Variants in FBXO40 observed in about 807,000 individuals in gnomAD.
FBXO40 encodes the protein F-box only protein 40.
In FBXO40, 50 loss-of-function variants were observed where a neutral mutation model predicts 49.9. The observed-to-expected ratio is 1.00, with a 90% CI of 0.80 to 1.27. The LOEUF (loss-of-function observed/expected upper bound fraction) is 1.27, where lower values mean the gene tolerates loss of function less well. Ranked by LOEUF, FBXO40 falls within the 50% of genes most tolerant of loss-of-function variation. FBXO40 has a pLI of 0.00. For missense variants in FBXO40, 895 were observed against 870.1 expected (o/e 1.03, Z -0.36); for synonymous variants, 340 against 320.2 (o/e 1.06, Z -0.66).
intron 1 of FBXO40, among the ~76,000 whole-genome samples, chr3:121,602,918 C>A (rs1276306240): frequency 6.6e-6 from 1 of 152,156 alleles, no homozygotes; most frequent in African/African-American, 2.4e-5. Flanking sequence ...CCATCACAGT[C>A]CATTTTTGTC....
intron 1 of FBXO40, among the ~76,000 whole-genome samples, chr3:121,618,027 G>A (rs565497564): frequency 1.3e-5 from 2 of 152,114 alleles, no homozygotes; most frequent in East Asian, 3.9e-4. Flanking sequence ...GAATTATAAT[G>A]TTCCCAACAT....
chr3:121,622,408 T>G lies in FBXO40; in HGVS notation c.979T>G (p.Cys327Gly). Reference sequence around the variant, plus strand: ...GATACACTTTGGTCAGATGCCTGCTTGTACACCCAAGGAGAGAGACTTTGT... The same window carrying G: ...GATACACTTTGGTCAGATGCCTGCTGGTACACCCAAGGAGAGAGACTTTGT... ...MLIHFGQMPACTPKERDFVYG... is the reference protein window; with the variant it reads ...MLIHFGQMPAGTPKERDFVYG... Residue 327 changes from cysteine to glycine, a missense_variant, in exon 3 of 4, where the codon TGT becomes GGT. By Grantham distance (159) the Cys-to-Gly change is radical. Coordinates refer to ENST00000338040, the MANE Select transcript of FBXO40 (RefSeq NM_016298.4). The G allele has an allele frequency of 6.2e-7, 1 of 1,614,196 alleles. No individual in the cohort carries two copies. The highest frequency in any genetic ancestry group is 1.1e-5 in the South Asian group (1 of 91,070).
In FBXO40 at chr3:121,622,115, C is replaced by T. The variant is rs901626100; in HGVS notation, c.686C>T (p.Ser229Phe). The change falls in exon 3 of 4, where the codon TCT becomes TTT. Residue 229 changes from serine (S) to phenylalanine (F), a missense_variant. Transcript: ENST00000338040. ...ATTTTCAGCAAAGAGCACGCAGCCTCTGCTTTAACAAATTCATCAGCGAGC... is the reference window on the plus strand; with the variant it reads ...ATTTTCAGCAAAGAGCACGCAGCCTTTGCTTTAACAAATTCATCAGCGAGC... ...ENIFSKEHAASALTNSSASCE... is the reference protein window; with the variant it reads ...ENIFSKEHAAFALTNSSASCE... The T allele has an allele frequency of 6.2e-7, 1 of 1,614,216 alleles. No individual in the cohort carries two copies. Among genetic ancestry groups the T allele is most frequent in the African/African-American group, 1.3e-5 (1 of 75,068 alleles).
intron 1 of FBXO40, among the ~76,000 whole-genome samples, chr3:121,614,944 G>A (rs1318174988): frequency 6.6e-6 from 1 of 152,198 alleles, no homozygotes; most frequent in Non-Finnish European, 1.5e-5. Flanking sequence ...CATTTGCCAG[G>A]TGCGGAGGCT....
rs79455541 is a variant in FBXO40 at position 121,622,628 on chromosome 3, T to C, written c.1199T>C (p.Leu400Pro). The C allele has an allele frequency of 1.2e-6, 2 of 1,614,188 alleles. No individual in the cohort carries two copies. The highest frequency in any genetic ancestry group is 2.2e-5 in the East Asian group (1 of 44,880). ...LPKSDLIKTT[L>P]QCALERELKG... ...AAATCAGATCTCATCAAGACCACCC[T>C]CCAGTGTGCTTTGGAAAGAGAACTC... Residue 400 changes from leucine (L) to proline (P), a missense_variant, in exon 3 of 4, where the codon CTC becomes CCC. By Grantham distance (98) the Leu-to-Pro change is moderately conservative. Coordinates refer to ENST00000338040, the MANE Select transcript of FBXO40 (RefSeq NM_016298.4).
At chr3:121,618,931 TA>T (rs1316064571) in intron 1 of FBXO40, among the ~76,000 whole-genome samples, 9 of 151,622 alleles carry the variant, frequency 5.9e-5, no homozygotes, top group Admixed American at 1.3e-4. Context: ...TTTTTTTTTT[TA>T]AGTTGGGGGA....
chr3:121,605,580 C>A (rs1198774375), intron 1 of FBXO40, among the ~76,000 whole-genome samples: 1 of 152,180 alleles, frequency 6.6e-6, no homozygotes, highest in East Asian at 1.9e-4. Flanking sequence ...CATAGAAAAC[C>A]ATCTCAAATC....
In FBXO40 at chr3:121,626,979, T is replaced by C; in HGVS notation, c.*69T>C. On this transcript the variant is annotated 3_prime_UTR_variant, in exon 4 of 4. Coordinates refer to ENST00000338040, the MANE Select transcript of FBXO40 (RefSeq NM_016298.4). ...GGAGTTCCTGAAGTAGGACAGAGTG[T>C]GTGGTTTTGAGGACTCCCTTCTGTA... 1 of 1,504,892 alleles carries C rather than the reference T, an allele frequency of 6.6e-7. No individual in the cohort carries two copies. Among genetic ancestry groups the C allele is most frequent in the Non-Finnish European group, 9.2e-7 (1 of 1,089,398 alleles). 93.2% of individuals were successfully genotyped at this position (1,504,892 alleles called of 1,614,324 possible). A position where few individuals can be genotyped will look rare whatever the true frequency, so the allele number is the denominator to read the frequency against.
At chr3:121,604,023 C>T (rs1001107476) in intron 1 of FBXO40, among the ~76,000 whole-genome samples, 2 of 152,182 alleles carry the variant, frequency 1.3e-5, no homozygotes, top group Non-Finnish European at 2.9e-5. Flanking sequence ...CAGCTCTGGT[C>T]ATGTTTTATC....
intron 1 of FBXO40, among the ~76,000 whole-genome samples, chr3:121,603,183 G>T (rs979491846): frequency 4.6e-5 from 7 of 152,164 alleles, no homozygotes; most frequent in African/African-American, 1.7e-4. Flanking sequence ...ATTGTTGCCA[G>T]AAAAGAGTGT....
intron 1 of FBXO40, among the ~76,000 whole-genome samples, chr3:121,610,927 A>G (rs73179955): frequency 5.9e-5 from 9 of 152,216 alleles, no homozygotes; most frequent in Non-Finnish European, 8.8e-5. Context: ...AATAACTCCA[A>G]TTTAGGTCCC....
chr3:121,613,961 T>A (rs1001680592), intron 1 of FBXO40, among the ~76,000 whole-genome samples: 1 of 152,034 alleles, frequency 6.6e-6, no homozygotes, highest in Admixed American at 6.5e-5. Flanking sequence ...GGTGAAACAC[T>A]GTCTTTACTA....
Position 121,611,093 on chromosome 3 carries a change from A to G in FBXO40, c.-30-9453A>G, listed in dbSNP as rs898440240. On this transcript the variant is annotated intron_variant, in intron 1 of 3. Transcript: ENST00000338040. ...ATGTATATGCAAATCTTGCCAGGTTAAATCATATGTTGAAGGGGTGGCCTG... is the reference window on the plus strand; with the variant it reads ...ATGTATATGCAAATCTTGCCAGGTTGAATCATATGTTGAAGGGGTGGCCTG... Among the ~76,000 whole-genome samples the G allele has an allele frequency of 2.6e-5, 4 of 152,272 alleles. No homozygotes were observed. The South Asian group carries it at 8.3e-4, about 32-fold the overall frequency.
intron 1 of FBXO40, among the ~76,000 whole-genome samples, chr3:121,597,557 G>A (rs1317518763): frequency 1.3e-5 from 2 of 151,732 alleles, no homozygotes; most frequent in Non-Finnish European, 2.9e-5. Context: ...GGAGGGAGGT[G>A]ACCATGAGAA....
At chr3:121,612,953 C>T (rs1463896972) in intron 1 of FBXO40, among the ~76,000 whole-genome samples, 2 of 151,776 alleles carry the variant, frequency 1.3e-5, no homozygotes, top group African/African-American at 2.4e-5. Context: ...GCCTGCAGTC[C>T]CAGCTACTCG....
At chr3:121,609,667 C>T (rs1345585953) in intron 1 of FBXO40, among the ~76,000 whole-genome samples, 1 of 152,158 alleles carries the variant, frequency 6.6e-6, no homozygotes, top group Non-Finnish European at 1.5e-5. Flanking sequence ...GTTTTATGCT[C>T]TCTGAAGGTA....
chr3:121,599,304 C>T (rs924632742), intron 1 of FBXO40, among the ~76,000 whole-genome samples: 2 of 151,932 alleles, frequency 1.3e-5, no homozygotes, highest in African/African-American at 4.8e-5. Context: ...CCCGTCTCTA[C>T]TAAAAATGCA....
rs1420635545 is a variant in FBXO40 at position 121,618,401 on chromosome 3, T to TG, written c.-30-2145_-30-2144insG. 1.1e-3 allele frequency among the ~76,000 whole-genome samples: 164 copies of TG among 149,470 alleles called. 1 individual carries two copies. The highest frequency in any genetic ancestry group is 3.7e-3 in the African/African-American group (150 of 40,830). ...TTTCCTTCTTGTTTTTTTTTTTTTT[T>TG]TTTGAGATGGAGTTTCACTCTGTCA... On this transcript the variant is annotated intron_variant, in intron 1 of 3. Coordinates refer to ENST00000338040, the MANE Select transcript of FBXO40 (RefSeq NM_016298.4).
chr3:121,598,390 C>T (rs577181006), intron 1 of FBXO40, among the ~76,000 whole-genome samples: 15 of 152,204 alleles, frequency 9.9e-5, no homozygotes, highest in Admixed American at 8.5e-4. Context: ...TGAAAAATTA[C>T]GCCTTCTGCT....
Sources: allele counts gnomAD v4.1 joint callset (sites outside exome capture counted in the v4.1 genomes callset), GRCh38; gene constraint gnomAD v4.1.1; transcripts MANE v1.5; gene names NCBI Gene and HGNC (gene_info 2026-07-23, HGNC 2026-07-21).